Variants in CTNNA2 observed in about 807,000 individuals in gnomAD.
CTNNA2 encodes catenin alpha-2.
Under a neutral mutation model 101.0 loss-of-function variants are expected in CTNNA2, and 42 were observed. The observed-to-expected ratio is 0.42, with a 90% CI of 0.32 to 0.54. CTNNA2 has a LOEUF of 0.54. Among genes scored for constraint, CTNNA2 ranks in the 20% least tolerant of loss-of-function variants. The probability of loss-of-function intolerance (pLI) is 0.14; values close to 1 mark genes in which losing one functional copy is unlikely to be tolerated. For missense variants in CTNNA2, 871 were observed against 1,223.1 expected, an observed-to-expected ratio of 0.71 and a Z score of 4.29; for synonymous variants, 450 against 456.4, an observed-to-expected ratio of 0.99 and a Z score of 0.18.
chr2:80,166,427 G>A (rs187089478), intron 7 of CTNNA2, among the ~76,000 whole-genome samples: 2 of 152,232 alleles, frequency 1.3e-5, no homozygotes, highest in East Asian at 3.9e-4. Context: ...TAAGGGATGG[G>A]GTCAGAGAGC....
At chr2:79,497,932 G>A (rs779499334) in intron 4 of CTNNA2, 8 of 152,190 alleles carry the variant, frequency 5.3e-5, no homozygotes, top group Admixed American at 3.3e-4. Context: ...AAAGTACAGG[G>A]TAGGGCACAT....
chr2:79,676,779 A>G (rs1188175741), intron 2 of CTNNA2, among the ~76,000 whole-genome samples: 1 of 152,230 alleles, frequency 6.6e-6, no homozygotes, highest in Non-Finnish European at 1.5e-5. Flanking sequence ...CCTGAAATGG[A>G]AAGGATTCAT....
intron 7 of CTNNA2, among the ~76,000 whole-genome samples, chr2:79,958,842 TC>T (rs1689429291): frequency 6.6e-6 from 1 of 152,114 alleles, no homozygotes; most frequent in African/African-American, 2.4e-5. Flanking sequence ...TACTCATATT[TC>T]TATTATTTAT....
intron 7 of CTNNA2, among the ~76,000 whole-genome samples, chr2:79,976,732 C>T (rs1690873318): frequency 6.6e-6 from 1 of 152,164 alleles, no homozygotes; most frequent in Admixed American, 6.5e-5. Context: ...GTATATAGTA[C>T]AGAAGAGCCA....
intron 4 of CTNNA2, among the ~76,000 whole-genome samples, chr2:79,452,105 C>A (rs939044200): frequency 2.0e-5 from 3 of 152,084 alleles, no homozygotes; most frequent in Non-Finnish European, 4.4e-5. Context: ...TACTTAACAA[C>A]ATTAAATTAG....
intron 4 of CTNNA2, among the ~76,000 whole-genome samples, chr2:79,396,326 T>A: frequency 6.6e-6 from 1 of 152,008 alleles, no homozygotes; most frequent in East Asian, 1.9e-4. Flanking sequence ...GCCAGGCTAA[T>A]TTTTATATTT....
At position 79,415,580 on chromosome 2, in the gene CTNNA2, A is replaced by T. The variant is rs189387338; in HGVS notation, c.-135+41567A>T. ...TTTCATCCTTATGTCACATAAACTT[A>T]TTTAGTATCTTAAGGAATACTATGT... On this transcript the variant is annotated intron_variant, in intron 4 of 21. Transcript: ENST00000466387. Among the ~76,000 whole-genome samples the T allele has an allele frequency of 5.0e-4, 76 of 152,254 alleles. 1 individual carries two copies. The highest frequency in any genetic ancestry group is 2.7e-3 in the Admixed American group (41 of 15,260).
At chr2:79,279,398 C>T (rs1675301868) in intron 2 of CTNNA2, among the ~76,000 whole-genome samples, 2 of 152,184 alleles carry the variant, frequency 1.3e-5, no homozygotes, top group South Asian at 4.2e-4. Flanking sequence ...TCATATCTTC[C>T]TCCTCCAAAG....
intron 3 of CTNNA2, among the ~76,000 whole-genome samples, chr2:79,800,264 A>G (rs1676052389): frequency 8.8e-6 from 1 of 113,016 alleles, no homozygotes; most frequent in African/African-American, 5.0e-5. Flanking sequence ...CTCGCATGTT[A>G]TATTATAAAA....
At chr2:79,564,323 T>C (rs1674974956) in intron 1 of CTNNA2, among the ~76,000 whole-genome samples, 1 of 151,492 alleles carries the variant, frequency 6.6e-6, no homozygotes, top group African/African-American at 2.4e-5. Flanking sequence ...TTGAAATAAA[T>C]GTCAATGGGA....
chr2:79,470,938 C>CA (rs2104546748), intron 4 of CTNNA2, among the ~76,000 whole-genome samples: 1 of 152,224 alleles, frequency 6.6e-6, no homozygotes, highest in Admixed American at 6.5e-5. Flanking sequence ...TCATGAAATA[C>CA]AACCATATAT....
intron 9 of CTNNA2, among the ~76,000 whole-genome samples, chr2:80,505,910 A>G (rs967487968): frequency 6.6e-6 from 1 of 152,206 alleles, no homozygotes; most frequent in Non-Finnish European, 1.5e-5. Context: ...ATCCAGTTAT[A>G]AAAGATCTGT....
chr2:79,540,556 T>C (rs1479580003), intron 1 of CTNNA2, among the ~76,000 whole-genome samples: 1 of 152,234 alleles, frequency 6.6e-6, no homozygotes. Flanking sequence ...TGTAATCGTT[T>C]ACATTACTGT....
rs1420576799 is a variant in CTNNA2, at chr2:80,290,857, G to A, written c.1057-102354G>A. ...GGGAGGGAAAGAAAAAATGAAGGGA[G>A]AGTAGAAAACAAACAAACAATAAAA... is the stretch of plus-strand genomic sequence containing the variant. On this transcript the variant is annotated intron_variant, in intron 7 of 18. Transcript: ENST00000402739. Among the ~76,000 whole-genome samples the A allele has an allele frequency of 3.3e-5, 5 of 152,158 alleles. No homozygotes were observed. In the East Asian group the frequency reaches 9.7e-4, roughly 30 times the overall value.
chr2:79,513,370 C>G (rs1671633465), intron 1 of CTNNA2, among the ~76,000 whole-genome samples, 163 bp downstream of exon 1: 1 of 149,164 alleles, frequency 6.7e-6, no homozygotes, highest in Admixed American at 6.8e-5. Flanking sequence ...TCCAGCCTTT[C>G]TTTCATCCCT....
chr2:80,214,813 A>G (rs1353889028), intron 7 of CTNNA2, among the ~76,000 whole-genome samples: 1 of 152,172 alleles, frequency 6.6e-6, no homozygotes, highest in African/African-American at 2.4e-5. Flanking sequence ...CTGCCTTGCT[A>G]GGTTGGGGAA....
chr2:79,318,846 T>G (rs1676554740), intron 3 of CTNNA2, among the ~76,000 whole-genome samples: 1 of 152,196 alleles, frequency 6.6e-6, no homozygotes, highest in South Asian at 2.1e-4. Flanking sequence ...ACAGAACAAG[T>G]TACCAACTCC....
chr2:79,721,391 C>G (rs1425734585), intron 2 of CTNNA2, among the ~76,000 whole-genome samples: 1 of 152,176 alleles, frequency 6.6e-6, no homozygotes, highest in Admixed American at 6.5e-5. Context: ...GTCTCTCTTT[C>G]TCTTCTTACA....
chr2:79,496,693 G>A lies in CTNNA2; in HGVS notation c.-134-8361G>A, dbSNP rs188370059. 3.6e-3 allele frequency among the ~76,000 whole-genome samples: 549 copies of A among 150,754 alleles called. 2 individuals carry two copies. Among genetic ancestry groups the A allele is most frequent in the African/African-American group, 9.6e-3 (395 of 41,098 alleles). On this transcript the variant is annotated intron_variant, in intron 4 of 21. Coordinates refer to the CTNNA2 transcript ENST00000466387. ...CTCTCTTTTTTTGTCTAGCCCTACC[G>A]CCTGTGTACATATATATAATTTTAT...
Sources: allele counts gnomAD v4.1 joint callset (sites outside exome capture counted in the v4.1 genomes callset), GRCh38; gene constraint gnomAD v4.1.1; transcripts MANE v1.5; gene names NCBI Gene and HGNC (gene_info 2026-07-23, HGNC 2026-07-21).